The following EFCAB5 variants were observed in gnomAD, a reference collection of about 807,000 sequenced individuals.
EFCAB5 encodes the protein EF-hand calcium binding domain 5.
A neutral mutation model predicts 167.9 loss-of-function variants in EFCAB5; 131 were observed. That is an observed-to-expected ratio of 0.78 (90% confidence interval 0.68 to 0.90). The LOEUF (loss-of-function observed/expected upper bound fraction) is 0.90, where lower values mean the gene tolerates loss of function less well. EFCAB5 is among the 40% of genes least tolerant of loss of function. The pLI is 0.00. For missense variants in EFCAB5, 1,663 were observed against 1,745.2 expected, an observed-to-expected ratio of 0.95 and a Z score of 0.84; for synonymous variants, 574 against 602.8, an observed-to-expected ratio of 0.95 and a Z score of 0.70.
intron 1 of EFCAB5, among the ~76,000 whole-genome samples, chr17:29,931,838 A>G (rs988123482): frequency 6.6e-6 from 1 of 152,222 alleles, no homozygotes; most frequent in East Asian, 1.9e-4. Flanking sequence ...TAGTACTTGT[A>G]TGTTGATTCT....
intron 3 of EFCAB5, among the ~76,000 whole-genome samples, chr17:29,944,617 G>GTTTTT (rs1223652580): frequency 7.2e-6 from 1 of 139,462 alleles, no homozygotes; most frequent in African/African-American, 2.7e-5. Context: ...GTTGTTTTCT[G>GTTTTT]TTTTGTTTTG....
chr17:30,108,053 A>T lies in EFCAB5; in HGVS notation c.*29A>T. The T allele has an allele frequency of 1.9e-6, 3 of 1,558,796 alleles. No homozygotes were observed. The highest frequency in any genetic ancestry group is 2.6e-6 in the Non-Finnish European group (3 of 1,161,156). ...TGGATGATAATGGAATTGATACTGTATTTAGGATCCTTTGTTTGTTATCAG... is the reference window on the plus strand; with the variant it reads ...TGGATGATAATGGAATTGATACTGTTTTTAGGATCCTTTGTTTGTTATCAG... On this transcript the variant is annotated 3_prime_UTR_variant, in exon 23 of 23. Transcript: ENST00000394835.
At chr17:29,938,212 A>G (rs1046388729), upstream of EFCAB5, among the ~76,000 whole-genome samples, 40 of 152,248 alleles carry the variant, frequency 2.6e-4, no homozygotes, top group Admixed American at 2.2e-3. Flanking sequence ...TGGTTTCCCA[A>G]TGCATATATA....
At chr17:29,988,342 G>A (rs1002977466) in intron 4 of EFCAB5, among the ~76,000 whole-genome samples, 3 of 152,136 alleles carry the variant, frequency 2.0e-5, no homozygotes, top group Non-Finnish European at 2.9e-5. Context: ...TTAATTGTGT[G>A]GAATGAACCA....
intron 3 of EFCAB5, among the ~76,000 whole-genome samples, chr17:29,946,312 A>G (rs563017250): frequency 1.3e-5 from 2 of 152,284 alleles, no homozygotes; most frequent in African/African-American, 4.8e-5. Flanking sequence ...AAGGATCATT[A>G]TTAAAATGTC....
rs1185313032 is a variant in EFCAB5 at position 30,057,752 on chromosome 17, C to T, written c.2442C>T (p.Phe814=). The change falls in exon 13 of 23, where the codon TTC becomes TTT. Residue 814 remains phenylalanine, a synonymous_variant. Coordinates refer to ENST00000394835, the MANE Select transcript of EFCAB5 (RefSeq NM_198529.4). ...GAACTGCCTTCAATGGAGTTTCATT[C>T]AATCTGCTCCAGTTTGTGCAACTCC... ...KGRTAFNGVS[F]NLLQFVQLLE... is the part of the protein sequence containing the mutation. 6.2e-7 allele frequency: 1 copy of T among 1,613,836 alleles called. No homozygotes were observed. The highest frequency in any genetic ancestry group is 1.1e-5 in the South Asian group (1 of 91,074).
chr17:30,054,459 A>G (rs1360584243), intron 10 of EFCAB5, among the ~76,000 whole-genome samples: 1 of 152,192 alleles, frequency 6.6e-6, no homozygotes, highest in African/African-American at 2.4e-5. Context: ...TTTAAATGTA[A>G]TGTCTGATAT....
rs573007071 is a variant in EFCAB5, at chr17:30,088,199, G to A, written c.3683+1033G>A. 6.6e-5 allele frequency among the ~76,000 whole-genome samples: 10 copies of A among 152,162 alleles called. No individual in the cohort carries two copies. The South Asian group carries it at 2.1e-3, about 32-fold the overall frequency. Reference sequence around the variant, plus strand: ...GTGCAGTGCTATGATCTTAGCTCATGGCAGTCTCAAACTCCTGGACTCAAG... The same window carrying A: ...GTGCAGTGCTATGATCTTAGCTCATAGCAGTCTCAAACTCCTGGACTCAAG... On this transcript the variant is annotated intron_variant, in intron 19 of 22. Transcript: ENST00000394835.
intron 7 of EFCAB5, among the ~76,000 whole-genome samples, chr17:30,028,963 T>C (rs1299558469): frequency 6.6e-6 from 1 of 152,216 alleles, no homozygotes; most frequent in Non-Finnish European, 1.5e-5. Flanking sequence ...CCAAATACAG[T>C]TATATTTTGA....
At chr17:30,036,161 A>G (rs2069612270) in intron 8 of EFCAB5, among the ~76,000 whole-genome samples, 1 of 141,992 alleles carries the variant, frequency 7.0e-6, no homozygotes, top group Non-Finnish European at 1.5e-5. Context: ...ATATATTATT[A>G]TATATAATAT....
chr17:30,049,411 C>T (rs965832943), intron 8 of EFCAB5, among the ~76,000 whole-genome samples: 3 of 151,654 alleles, frequency 2.0e-5, no homozygotes, highest in Non-Finnish European at 4.4e-5. Flanking sequence ...ACCCGGGAGG[C>T]GGAGGTTGCA....
chr17:30,040,704 C>T (rs1441223587), intron 8 of EFCAB5, among the ~76,000 whole-genome samples: 1 of 152,150 alleles, frequency 6.6e-6, no homozygotes, highest in Admixed American at 6.5e-5. Context: ...AGTTCCTCTT[C>T]AAAGCTTATC....
intron 3 of EFCAB5, among the ~76,000 whole-genome samples, chr17:29,961,440 T>C (rs1597585110): frequency 6.6e-6 from 1 of 152,358 alleles, no homozygotes; most frequent in Admixed American, 6.5e-5. Context: ...TTCTTTGATG[T>C]ACAAAAGTTT....
At chr17:29,989,240 C>T (rs915928484) in intron 4 of EFCAB5, among the ~76,000 whole-genome samples, 37 of 152,246 alleles carry the variant, frequency 2.4e-4, no homozygotes, top group African/African-American at 7.7e-4. Context: ...ATTAAACTGG[C>T]GTGAGAAATC....
intron 14 of EFCAB5, chr17:30,069,059 A>G: frequency 7.1e-7 from 1 of 1,412,748 alleles, no homozygotes; most frequent in Non-Finnish European, 1.0e-6. Flanking sequence ...TACTTAAAAA[A>G]AGTGTGTAAA....
chr17:30,073,061 AT>A (rs545468255), intron 14 of EFCAB5: 47,330 of 438,916 alleles, frequency 0.11, 2 homozygotes, highest in South Asian at 0.15. Context: ...CCCAACCTTT[AT>A]TTTTTTTTTT....
chr17:30,046,284 G>T (rs1011332050), intron 8 of EFCAB5, among the ~76,000 whole-genome samples: 1 of 152,108 alleles, frequency 6.6e-6, no homozygotes, highest in South Asian at 2.1e-4. Flanking sequence ...ACTTATGGTT[G>T]CTTGGGTTGA....
intron 4 of EFCAB5, chr17:29,972,932 G>C (rs1266460121): frequency 1.3e-5 from 2 of 156,266 alleles, no homozygotes; most frequent in African/African-American, 2.4e-5. Context: ...CTTCAGCGAC[G>C]TCCACATCAG....
chr17:30,070,874 CAGG>C (rs2070714463), intron 14 of EFCAB5, among the ~76,000 whole-genome samples: 1 of 141,832 alleles, frequency 7.1e-6, no homozygotes, highest in Admixed American at 7.8e-5. Context: ...TGCTTAAACC[CAGG>C]AGGCAGAGGT....
Sources: gnomAD v4.1 joint callset for allele counts (sites outside exome capture counted in the v4.1 genomes callset) on GRCh38, gnomAD v4.1.1 for gene constraint, MANE v1.5 for transcripts, NCBI Gene and HGNC (gene_info 2026-07-23, HGNC 2026-07-21) for gene names.